The following ATP2B2 variants were observed in gnomAD, a reference collection of about 807,000 sequenced individuals.
ATP2B2 encodes the protein ATPase plasma membrane Ca2+ transporting 2.
Under a neutral mutation model 120.0 loss-of-function variants are expected in ATP2B2, and 15 were observed. The observed-to-expected ratio is 0.12, with a 90% CI of 0.08 to 0.19. The LOEUF (loss-of-function observed/expected upper bound fraction) is 0.19, where lower values mean the gene tolerates loss of function less well. Among genes scored for constraint, ATP2B2 ranks in the 10% least tolerant of loss-of-function variants. The pLI, the probability that ATP2B2 is intolerant of heterozygous loss-of-function variation, is 1.00. For missense variants in ATP2B2, 1,045 were observed against 1,719.8 expected (o/e 0.61, Z 6.94); for synonymous variants, 694 against 700.3 (o/e 0.99, Z 0.14).
At chr3:10,358,142 A>T (rs1164441239) in intron 14 of ATP2B2, among the ~76,000 whole-genome samples, 1 of 152,218 alleles carries the variant, frequency 6.6e-6, no homozygotes, top group African/African-American at 2.4e-5. Context: ...TGATAAAAGT[A>T]GACTCTCAGC....
intron 3 of ATP2B2, among the ~76,000 whole-genome samples, chr3:10,523,752 G>A (rs895478603): frequency 1.5e-4 from 23 of 152,048 alleles, no homozygotes; most frequent in African/African-American, 5.1e-4. Flanking sequence ...TGGTAGCAGG[G>A]GAGAGGAGAA....
At chr3:10,333,960 T>C (rs1166755277) in intron 22 of ATP2B2, among the ~76,000 whole-genome samples, 1 of 152,218 alleles carries the variant, frequency 6.6e-6, no homozygotes, top group African/African-American at 2.4e-5. Context: ...TGTCTAAGCA[T>C]TTCTGCAGAA....
At chr3:10,426,933 C>T (rs1275758999) in intron 2 of ATP2B2, among the ~76,000 whole-genome samples, 1 of 152,072 alleles carries the variant, frequency 6.6e-6, no homozygotes, top group Non-Finnish European at 1.5e-5. Flanking sequence ...CCCACAGAGA[C>T]CCCATGAGAG....
At chr3:10,389,167 G>C (rs1275937008) in intron 5 of ATP2B2, among the ~76,000 whole-genome samples, 1 of 152,216 alleles carries the variant, frequency 6.6e-6, no homozygotes, top group Non-Finnish European at 1.5e-5. Flanking sequence ...CTTTCCAGGG[G>C]CTGGAAGTGT....
At chr3:10,520,626 C>T (rs1219890474) in intron 3 of ATP2B2, among the ~76,000 whole-genome samples, 1 of 152,104 alleles carries the variant, frequency 6.6e-6, no homozygotes, top group Non-Finnish European at 1.5e-5. Flanking sequence ...GGCACCACCA[C>T]ACCCAGCTAA....
At chr3:10,383,081 T>TTTA (rs2061578051) in intron 8 of ATP2B2, among the ~76,000 whole-genome samples, 1 of 150,270 alleles carries the variant, frequency 6.7e-6, no homozygotes, top group African/African-American at 2.4e-5. Context: ...TAATTTTTAT[T>TTTA]TTATTATTAT....
intron 11 of ATP2B2, among the ~76,000 whole-genome samples, chr3:10,374,964 G>A (rs573676625): frequency 6.6e-5 from 10 of 152,214 alleles, no homozygotes; most frequent in Non-Finnish European, 1.3e-4. Flanking sequence ...ACAGTTGCCC[G>A]CGGGGCCTAC....
intron 2 of ATP2B2, 28 bp downstream of exon 2, chr3:10,449,317 G>A: frequency 2.5e-6 from 4 of 1,613,684 alleles, no homozygotes; most frequent in Non-Finnish European, 3.4e-6. Context: ...CTAGGCTGCA[G>A]CCCTGGGTTC....
chr3:10,602,157 C>G (rs373548912), intron 2 of ATP2B2, among the ~76,000 whole-genome samples: 47 of 152,332 alleles, frequency 3.1e-4, no homozygotes, highest in African/African-American at 1.1e-3. Context: ...CCTCTGCCCC[C>G]TCCCTGCCCT....
chr3:10,396,396 G>C (rs1262257292), intron 5 of ATP2B2, among the ~76,000 whole-genome samples: 2 of 152,358 alleles, frequency 1.3e-5, no homozygotes, highest in East Asian at 3.9e-4. Context: ...TGGACCAACT[G>C]ACCAGAGCGG....
At chr3:10,666,731 C>T (rs774103054) in intron 1 of ATP2B2, among the ~76,000 whole-genome samples, 3 of 152,206 alleles carry the variant, frequency 2.0e-5, no homozygotes, top group Non-Finnish European at 4.4e-5. Context: ...GCTCCGGAGG[C>T]CCCTACATGT....
In ATP2B2 at chr3:10,630,137, G is replaced by C. The variant is rs143929115; in HGVS notation, c.-459-10176C>G. Among the ~76,000 whole-genome samples the C allele has an allele frequency of 2.1e-5, 3 of 145,234 alleles. No homozygotes were observed. The East Asian group carries it at 6.1e-4, about 30-fold the overall frequency. On this transcript the variant is annotated intron_variant, in intron 1 of 21. Coordinates refer to the ATP2B2 transcript ENST00000646379. ...AACAGTTAAACACGGCCACCTTTGA[G>C]TGGTAACACAATTTCATTTTAAAAT... is the stretch of plus-strand genomic sequence containing the variant.
At chr3:10,412,473 T>C (rs1454367290) in intron 2 of ATP2B2, among the ~76,000 whole-genome samples, 2 of 152,154 alleles carry the variant, frequency 1.3e-5, no homozygotes, top group African/African-American at 4.8e-5. Flanking sequence ...ACTTTATTTT[T>C]CCATGACAAG....
intron 1 of ATP2B2, among the ~76,000 whole-genome samples, chr3:10,495,916 T>C (rs1324070438): frequency 6.6e-6 from 1 of 152,248 alleles, no homozygotes; most frequent in East Asian, 1.9e-4. Context: ...TACCTGGGGC[T>C]GCCTCCGCCT....
rs141585245 is a variant in ATP2B2, at chr3:10,634,723, C to T, written c.-459-14762G>A. ...GACCTGTCTTCTCCACAGAAGAGTG[C>T]ATGAATGCCTTCTGAACCTTGACCC... On this transcript the variant is annotated intron_variant, in intron 1 of 21. Coordinates refer to the ATP2B2 transcript ENST00000646379. Among the ~76,000 whole-genome samples, 29 of 152,322 alleles carry T rather than the reference C, an allele frequency of 1.9e-4. No homozygotes were observed. In the East Asian group the frequency reaches 2.5e-3, roughly 13 times the overall value.
At chr3:10,414,360 G>A (rs1298426126) in intron 2 of ATP2B2, among the ~76,000 whole-genome samples, 1 of 152,214 alleles carries the variant, frequency 6.6e-6, no homozygotes, top group Non-Finnish European at 1.5e-5. Flanking sequence ...GCCAGGCATT[G>A]AGATCCTGAG....
At chr3:10,365,091 G>A (rs766402335) in intron 12 of ATP2B2, among the ~76,000 whole-genome samples, 3 of 152,250 alleles carry the variant, frequency 2.0e-5, no homozygotes, top group Non-Finnish European at 4.4e-5. Context: ...GCCGGGAGAG[G>A]CAAGGCTGCA....
At position 10,402,486 on chromosome 3, in the gene ATP2B2, T is replaced by A. The variant is rs556888750; in HGVS notation, c.398-138A>T. 100 of 1,323,720 alleles carry A rather than the reference T, an allele frequency of 7.6e-5. 1 individual carries two copies. The South Asian group carries it at 1.2e-3, about 15-fold the overall frequency. The allele number at this position is 1,323,720 out of a possible 1,614,324, so 82.0% of individuals were successfully genotyped here. On this transcript the variant is annotated intron_variant, in intron 3 of 22. Transcript: ENST00000360273. The surrounding 1 kb of genome is among the most constrained non-coding windows in gnomAD (Gnocchi z 4.9). Reference sequence around the variant, plus strand: ...TAATTATCCACTTACTCAGTGTGTCTGGGTACCAAGCCCTGTGGAAAGTGC... The same window carrying A: ...TAATTATCCACTTACTCAGTGTGTCAGGGTACCAAGCCCTGTGGAAAGTGC...
chr3:10,455,134 C>T (rs2064204587), intron 1 of ATP2B2, among the ~76,000 whole-genome samples: 1 of 152,194 alleles, frequency 6.6e-6, no homozygotes, highest in Non-Finnish European at 1.5e-5. Flanking sequence ...GTCCTCAGAC[C>T]TCAGTTTGCT....
Sources: gnomAD v4.1 joint callset for allele counts (sites outside exome capture counted in the v4.1 genomes callset) on GRCh38, gnomAD v4.1.1 for gene constraint, Gnocchi (gnomAD v3.1) non-coding constraint, MANE v1.5 for transcripts, NCBI Gene and HGNC (gene_info 2026-07-23, HGNC 2026-07-21) for gene names.